Variants in NAV2 observed in about 807,000 individuals in gnomAD.
The protein encoded by NAV2 is neuron navigator 2.
In NAV2, 54 loss-of-function variants were observed where a neutral mutation model predicts 223.2. The observed-to-expected ratio is 0.24, with a 90% CI of 0.19 to 0.30. The LOEUF is 0.30. Ranked by LOEUF, NAV2 falls within the 10% of genes least tolerant of loss-of-function variation. The probability of loss-of-function intolerance (pLI) is 1.00; values close to 1 mark genes in which losing one functional copy is unlikely to be tolerated. For missense variants in NAV2, 2,806 were observed against 3,147.5 expected (o/e 0.89, Z 2.60); for synonymous variants, 1,279 against 1,239.3 (o/e 1.03, Z -0.67).
intron 3 of NAV2, among the ~76,000 whole-genome samples, chr11:19,844,555 T>C (rs2060682642): frequency 1.3e-5 from 2 of 152,226 alleles, no homozygotes; most frequent in African/African-American, 4.8e-5. Flanking sequence ...TCCAAAGTGT[T>C]TCACTGAGCA....
intron 1 of NAV2, among the ~76,000 whole-genome samples, chr11:19,570,402 G>C (rs544124596): frequency 7.0e-4 from 107 of 152,288 alleles, no homozygotes; most frequent in African/African-American, 2.5e-3. Flanking sequence ...TTTGGCAATG[G>C]ATTGTTAGAT....
At position 19,790,115 on chromosome 11, in the gene NAV2, C is replaced by G. The variant is rs144517204; in HGVS notation, c.268-42369C>G. Among the ~76,000 whole-genome samples the G allele has an allele frequency of 3.0e-3, 450 of 152,300 alleles. 3 individuals carry two copies. The highest frequency in any genetic ancestry group is 0.014 in the Middle Eastern group (4 of 294). Reference sequence around the variant, plus strand: ...CTCGGATGCTATCTTGTGGGCGGCTCTCATGCTCCCGGCTGCATGCTGTCC... The same window carrying G: ...CTCGGATGCTATCTTGTGGGCGGCTGTCATGCTCCCGGCTGCATGCTGTCC... On this transcript the variant is annotated intron_variant, in intron 1 of 37. Transcript: ENST00000349880.
intron 1 of NAV2, among the ~76,000 whole-genome samples, chr11:19,626,344 G>A (rs902519055): frequency 4.6e-5 from 7 of 152,162 alleles, no homozygotes; most frequent in Non-Finnish European, 1.0e-4. Context: ...CTGTAGATAT[G>A]TGGGTTAATT....
chr11:19,491,176 A>G (rs1053574011), intron 1 of NAV2, among the ~76,000 whole-genome samples: 9 of 152,118 alleles, frequency 5.9e-5, no homozygotes, highest in African/African-American at 1.9e-4. Flanking sequence ...TAGGATTTTC[A>G]GGGTAGTAAA....
At chr11:19,572,943 A>C (rs1423569337) in intron 1 of NAV2, among the ~76,000 whole-genome samples, 1 of 152,206 alleles carries the variant, frequency 6.6e-6, no homozygotes, top group Admixed American at 6.5e-5. Flanking sequence ...AACAAACCGC[A>C]GAACCAACAG....
chr11:19,683,594 C>T (rs896729622), intron 1 of NAV2, among the ~76,000 whole-genome samples: 6 of 152,260 alleles, frequency 3.9e-5, no homozygotes, highest in African/African-American at 1.4e-4. Flanking sequence ...CTTGGAGCAC[C>T]TTGGCAAGGA....
chr11:20,010,099 G>C (rs999435283), intron 11 of NAV2, among the ~76,000 whole-genome samples: 1 of 152,128 alleles, frequency 6.6e-6, no homozygotes, highest in Non-Finnish European at 1.5e-5. Flanking sequence ...AGGTAGACTA[G>C]CTCCAGTCTG....
intron 1 of NAV2, among the ~76,000 whole-genome samples, chr11:19,595,092 T>C (rs1013819134): frequency 6.6e-6 from 1 of 151,996 alleles, no homozygotes; most frequent in Admixed American, 6.6e-5. Flanking sequence ...TGGTGGGCAA[T>C]GGGGGCTCAG....
chr11:19,857,338 C>T (rs1420454511), intron 3 of NAV2, among the ~76,000 whole-genome samples: 2 of 152,174 alleles, frequency 1.3e-5, no homozygotes, highest in Non-Finnish European at 2.9e-5. Flanking sequence ...AAGTGTCAGG[C>T]TTTTGAGTAG....
chr11:19,477,260 T>C (rs920626219), intron 1 of NAV2, among the ~76,000 whole-genome samples: 1 of 152,264 alleles, frequency 6.6e-6, no homozygotes, highest in South Asian at 2.1e-4. Context: ...GGGCCTTTTA[T>C]GTCCAACTCT....
intron 1 of NAV2, among the ~76,000 whole-genome samples, chr11:19,752,063 T>C (rs1834321): frequency 0.98 from 148,913 of 152,300 alleles, 72,893 homozygotes; most frequent in East Asian, 1. Context: ...ACAGTCATAT[T>C]TGTTGGTGCT....
At chr11:19,536,933 T>C (rs997108264) in intron 1 of NAV2, among the ~76,000 whole-genome samples, 5 of 152,218 alleles carry the variant, frequency 3.3e-5, no homozygotes, top group South Asian at 2.1e-4. Context: ...AGAATTATAG[T>C]AGACCAGCAT....
intron 1 of NAV2, among the ~76,000 whole-genome samples, chr11:19,545,423 T>C (rs2044467369): frequency 6.6e-6 from 1 of 151,836 alleles, no homozygotes. Context: ...GTGGGAAGAC[T>C]GCCAGGTGGA....
At chr11:19,502,475 GT>G (rs2042989896) in intron 1 of NAV2, among the ~76,000 whole-genome samples, 1 of 152,142 alleles carries the variant, frequency 6.6e-6, no homozygotes, top group African/African-American at 2.4e-5. Flanking sequence ...ACAGCTATAG[GT>G]TTTCATAGTG....
chr11:19,359,523 T>G (rs1263738055), intron 1 of NAV2, among the ~76,000 whole-genome samples: 1 of 152,238 alleles, frequency 6.6e-6, no homozygotes, highest in Non-Finnish European at 1.5e-5. Context: ...CCTTACATGT[T>G]GCAGCACAAT....
chr11:20,077,518 G>C (rs897833174), intron 22 of NAV2, 34 bp from the exon 23 acceptor site: 12 of 1,532,176 alleles, frequency 7.8e-6, no homozygotes, highest in Non-Finnish European at 1.1e-5. Flanking sequence ...TGCCTTGCAA[G>C]GTAATATAAC....
intron 25 of NAV2, 109 bp from the exon 26 acceptor site, chr11:20,082,898 G>C: frequency 9.3e-7 from 1 of 1,074,130 alleles, no homozygotes; most frequent in Non-Finnish European, 1.3e-6. Flanking sequence ...CCATTGGTGG[G>C]GGGAAAAACA....
intron 1 of NAV2, among the ~76,000 whole-genome samples, chr11:19,526,076 A>G (rs1489221099): frequency 6.6e-6 from 1 of 152,142 alleles, no homozygotes; most frequent in East Asian, 1.9e-4. Flanking sequence ...TCATGCTGAG[A>G]GGTCCACACA....
At chr11:19,533,055 T>C (rs1402001357) in intron 1 of NAV2, among the ~76,000 whole-genome samples, 2 of 152,188 alleles carry the variant, frequency 1.3e-5, no homozygotes, top group Non-Finnish European at 2.9e-5. Flanking sequence ...GAACGTTTCC[T>C]GAGCTAGAGG....
Sources: gnomAD v4.1 joint callset for allele counts (sites outside exome capture counted in the v4.1 genomes callset) on GRCh38, gnomAD v4.1.1 for gene constraint, MANE v1.5 for transcripts, NCBI Gene and HGNC (gene_info 2026-07-23, HGNC 2026-07-21) for gene names.